Variants in ZNF419 observed in about 807,000 individuals in gnomAD.
ZNF419 encodes zinc finger protein 419.
In ZNF419, 8 loss-of-function variants were observed where a neutral mutation model predicts 14.9. That is an observed-to-expected ratio of 0.54 (90% confidence interval 0.32 to 0.97). ZNF419 has a LOEUF of 0.97. Ranked by LOEUF, ZNF419 falls within the 50% of genes least tolerant of loss-of-function variation. The pLI is 0.04. For missense variants in ZNF419, 595 were observed against 607.2 expected (o/e 0.98, Z 0.21); for synonymous variants, 211 against 205.3 (o/e 1.03, Z -0.24).
chr19:57,490,386 C>G (rs1568567819), intron 2 of ZNF419: 14 of 381,908 alleles, frequency 3.7e-5, no homozygotes, highest in Non-Finnish European at 1.4e-5. Flanking sequence ...CAGAGTTTTG[C>G]TCTTGTTGCC....
intron 1 of ZNF419, chr19:57,489,063 C>G (rs1293913371): frequency 6.6e-6 from 1 of 152,274 alleles, no homozygotes; most frequent in East Asian, 1.9e-4. Flanking sequence ...GAAACGTCAG[C>G]CAGGCTGCTG....
Position 57,492,983 on chromosome 19 carries a change from C to T in ZNF419, c.426C>T (p.Gly142=), listed in dbSNP as rs1390128643. ...CGEKPLKRQE[G]RVPVLRSCKV... ...AGAAACCCTTAAAAAGACAAGAGGG[C>T]AGGGTCCCAGTTTTGAGGAGTTGCA... Residue 142 remains glycine (G), a synonymous_variant, in exon 5 of 5, where the codon GGC becomes GGT. Transcript: ENST00000221735. 3 of 1,614,062 alleles carry T rather than the reference C, an allele frequency of 1.9e-6. No homozygotes were observed. Among genetic ancestry groups the T allele is most frequent in the Non-Finnish European group, 2.5e-6 (3 of 1,180,046 alleles).
At position 57,493,625 on chromosome 19, in the gene ZNF419, C is replaced by T. The variant is rs201067474; in HGVS notation, c.1068C>T (p.Ser356=). The T allele has an allele frequency of 1.6e-3, 2,579 of 1,614,064 alleles. 6 individuals are homozygous for T. The highest frequency in any genetic ancestry group is 2.1e-3 in the Middle Eastern group (13 of 6,062). Residue 356 remains serine, a synonymous_variant, in exon 5 of 5, where the codon TCC becomes TCT. Coordinates refer to ENST00000221735, the MANE Select transcript of ZNF419 (RefSeq NM_024691.4). ...GTGGAAAATTCTATAGCCACAAGTCCAACCTTATCAAACATTGGCGTGTTC... is the reference window on the plus strand; with the variant it reads ...GTGGAAAATTCTATAGCCACAAGTCTAACCTTATCAAACATTGGCGTGTTC... The part of the protein sequence containing the change: ...SECGKFYSHK[S]NLIKHWRVHT...
intron 3 of ZNF419, 144 bp downstream of exon 3, chr19:57,491,741 C>G: frequency 8.3e-7 from 1 of 1,204,318 alleles, no homozygotes; most frequent in Non-Finnish European, 1.2e-6. Flanking sequence ...TGTAATAGGC[C>G]TGGGCTGTGT....
intron 1 of ZNF419, chr19:57,488,423 G>A (rs574306987): frequency 5.4e-6 from 1 of 184,486 alleles, no homozygotes; most frequent in East Asian, 1.4e-4. Context: ...GACTAGTGGA[G>A]AGTCTACTGG....
At position 57,495,078 on chromosome 19, in the gene ZNF419, C is replaced by G. The variant is rs1228006497; in HGVS notation, c.*988C>G. 1.3e-5 allele frequency: 2 copies of G among 152,188 alleles called. No individual in the cohort carries two copies. Among genetic ancestry groups the G allele is most frequent in the African/African-American group, 4.8e-5 (2 of 41,434 alleles). 9.4% of individuals were successfully genotyped at this position (152,188 alleles called of 1,614,324 possible). A position where few individuals can be genotyped will look rare whatever the true frequency, so the allele number is the denominator to read the frequency against. On this transcript the variant is annotated 3_prime_UTR_variant, in exon 5 of 5. Coordinates refer to ENST00000221735, the MANE Select transcript of ZNF419 (RefSeq NM_024691.4). ...GTTTTTTAAAACATTTGGTTGGTTA[C>G]AAGTTCTTAATATTTCTGGAGACAA...
Position 57,493,843 on chromosome 19 carries a change from G to T in ZNF419, c.1286G>T (p.Cys429Phe). 4 of 1,614,058 alleles carry T rather than the reference G, an allele frequency of 2.5e-6. No homozygotes were observed. Among genetic ancestry groups the T allele is most frequent in the Non-Finnish European group, 3.4e-6 (4 of 1,179,952 alleles). ...CACACTGGAGCAAAGCCTTATGAGT[G>T]CAGGGAATGTGGGAAATTTTTTAGC... is the stretch of plus-strand genomic sequence containing the variant. ...RVHTGAKPYECRECGKFFSQS... is the reference protein window; with the variant it reads ...RVHTGAKPYEFRECGKFFSQS... Residue 429 changes from cysteine to phenylalanine, a missense_variant, in exon 5 of 5, where the codon TGC (cysteine) becomes TTC (phenylalanine). By Grantham distance (205) the Cys-to-Phe change is radical (BLOSUM62 -2). Coordinates refer to ENST00000221735, the MANE Select transcript of ZNF419 (RefSeq NM_024691.4).
At chr19:57,491,714 T>A (rs1253523606) in intron 3 of ZNF419, 117 bp downstream of exon 3, 8 of 1,353,228 alleles carry the variant, frequency 5.9e-6, no homozygotes, top group Non-Finnish European at 8.3e-6. Flanking sequence ...CCTTCTCCAG[T>A]ATCCTGAAGT....
At chr19:57,492,632 A>G (rs2089515556) in intron 4 of ZNF419, 4 of 767,102 alleles carry the variant, frequency 5.2e-6, no homozygotes, top group East Asian at 2.5e-5. Context: ...TCCCTGTGCT[A>G]TACCCCATCC....
chr19:57,490,467 G>C (rs1600133716), intron 2 of ZNF419: 2 of 230,644 alleles, frequency 8.7e-6, no homozygotes, highest in Non-Finnish European at 1.7e-5. Context: ...CAATTCTCCT[G>C]TCTGAGCCTC....
At position 57,489,931 on chromosome 19, in the gene ZNF419, A is replaced by G. The variant is rs531500556; in HGVS notation, c.34-216A>G. 1.3e-4 allele frequency: 73 copies of G among 572,774 alleles called. No homozygotes were observed. The African/African-American group carries it at 1.3e-3, about 10-fold the overall frequency. 35.5% of individuals were successfully genotyped at this position (572,774 alleles called of 1,614,324 possible). A position where few individuals can be genotyped will look rare whatever the true frequency, so the allele number is the denominator to read the frequency against. On this transcript the variant is annotated intron_variant, in intron 1 of 4. Coordinates refer to ENST00000221735, the MANE Select transcript of ZNF419 (RefSeq NM_024691.4). ...GATACAAACAATCGTCCTATTGAGTAAATACCATTATTATTGCCATGTTGC... is the reference window on the plus strand; with the variant it reads ...GATACAAACAATCGTCCTATTGAGTGAATACCATTATTATTGCCATGTTGC...
At position 57,494,416 on chromosome 19, in the gene ZNF419, C is replaced by T; in HGVS notation, c.*326C>T. 1 of 283,148 alleles carries T rather than the reference C, an allele frequency of 3.5e-6. No individual in the cohort carries two copies. Among genetic ancestry groups the T allele is most frequent in the Non-Finnish European group, 6.4e-6 (1 of 157,128 alleles). The allele number at this position is 283,148 out of a possible 1,614,324, so 17.5% of individuals were successfully genotyped here. On this transcript the variant is annotated 3_prime_UTR_variant, in exon 5 of 5. Coordinates refer to ENST00000221735, the MANE Select transcript of ZNF419 (RefSeq NM_024691.4). ...AGGGAGCTGGCAATTGAACATCATT[C>T]ATCTAAATATGCACACTGGAGGCAA...
rs373610411 is a variant in ZNF419 at position 57,492,891 on chromosome 19, G to C, written c.334G>C (p.Glu112Gln). 7.8e-5 allele frequency: 126 copies of C among 1,613,966 alleles called. No individual in the cohort carries two copies. The highest frequency in any genetic ancestry group is 9.7e-5 in the Non-Finnish European group (115 of 1,179,978). The change falls in exon 5 of 5, where the codon GAG becomes CAG. Residue 112 changes from glutamate to glutamine, a missense_variant. Coordinates refer to ENST00000221735, the MANE Select transcript of ZNF419 (RefSeq NM_024691.4). ...WHGAEAEEAP[E>Q]QIASVGLLSS... ...TGGAGCCGAGGCTGAGGAGGCTCCTGAGCAGATTGCTTCTGTAGGACTGCT... is the reference window on the plus strand; with the variant it reads ...TGGAGCCGAGGCTGAGGAGGCTCCTCAGCAGATTGCTTCTGTAGGACTGCT...
rs200962952 is a variant in ZNF419 at position 57,487,925 on chromosome 19, C to T, written c.-26C>T. 21 of 1,613,624 alleles carry T rather than the reference C, an allele frequency of 1.3e-5. No homozygotes were observed. The highest frequency in any genetic ancestry group is 2.2e-5 in the South Asian group (2 of 90,934). ...GGGCCCTTTCCTCGGTCATTGTCTCCCCTCCAGCTCTACTCACAGGCTCCG... is the reference window on the plus strand; with the variant it reads ...GGGCCCTTTCCTCGGTCATTGTCTCTCCTCCAGCTCTACTCACAGGCTCCG... On this transcript the variant is annotated 5_prime_UTR_variant, in exon 1 of 5. Transcript: ENST00000221735.
At chr19:57,490,009 A>G (rs924647632) in intron 1 of ZNF419, 138 bp from the exon 2 acceptor site, 6 of 720,312 alleles carry the variant, frequency 8.3e-6, no homozygotes, top group Admixed American at 7.1e-5. Context: ...AGGGCACACA[A>G]CAGGTAAGAG....
intron 1 of ZNF419, chr19:57,488,885 A>G (rs2089419191): frequency 6.6e-6 from 1 of 152,446 alleles, no homozygotes; most frequent in Non-Finnish European, 1.5e-5. Flanking sequence ...GGCTGCCTCT[A>G]TAGCATGGAG....
chr19:57,492,573 C>T (rs1190507725), intron 4 of ZNF419: 2 of 752,154 alleles, frequency 2.7e-6, no homozygotes, highest in East Asian at 2.5e-5. Context: ...CAGCCAAAGT[C>T]CTGTGGAAAG....
Position 57,493,912 on chromosome 19 carries a change from A to G in ZNF419, c.1355A>G (p.Glu452Gly), listed in dbSNP as rs1484838895. The G allele has an allele frequency of 1.2e-6, 2 of 1,614,022 alleles. No individual in the cohort carries two copies. Among genetic ancestry groups the G allele is most frequent in the East Asian group, 2.2e-5 (1 of 44,824 alleles). The change falls in exon 5 of 5, where the codon GAA becomes GGA. Residue 452 changes from glutamate (E) to glycine (G), a missense_variant. Coordinates refer to ENST00000221735, the MANE Select transcript of ZNF419 (RefSeq NM_024691.4). ...CAACATCGAAAAGTTCACATTGGAG[A>G]AAAGCCTTTTAAGTGCAATGAATGT... ...LMQHRKVHIG[E>G]KPFKCNECGR...
Position 57,493,189 on chromosome 19 carries a change from C to G in ZNF419, c.632C>G (p.Ala211Gly), listed in dbSNP as rs780871290. The change falls in exon 5 of 5, where the codon GCC becomes GGC. Residue 211 changes from alanine to glycine, a missense_variant. Ala to Gly is a moderately conservative substitution (Grantham distance 60). Transcript: ENST00000221735. Reference sequence around the variant, plus strand: ...TACAAATGCAGTGAATGTGGGAAAGCCTTTGGTCAGAAATATTTACTTGTT... The same window carrying G: ...TACAAATGCAGTGAATGTGGGAAAGGCTTTGGTCAGAAATATTTACTTGTT... ...RHYKCSECGK[A>G]FGQKYLLVQH... 3.7e-6 allele frequency: 6 copies of G among 1,614,016 alleles called. No homozygotes were observed. Among genetic ancestry groups the G allele is most frequent in the Middle Eastern group, 1.6e-4 (1 of 6,084 alleles).
Sources: gnomAD v4.1 joint callset for allele counts on GRCh38, gnomAD v4.1.1 for gene constraint, MANE v1.5 for transcripts, NCBI Gene and HGNC (gene_info 2026-07-23, HGNC 2026-07-21) for gene names.